NAV2: variants seen among roughly 807,000 people sequenced by gnomAD.
NAV2 encodes helicase, APC down-regulated 1.
A neutral mutation model predicts 223.2 loss-of-function variants in NAV2; 54 were observed. The ratio of observed to expected loss-of-function variants is 0.24; its 90% CI spans 0.19 to 0.30. The LOEUF is 0.30. Among genes scored for constraint, NAV2 ranks in the 10% least tolerant of loss-of-function variants. NAV2 has a pLI of 1.00. For missense variants in NAV2, 2,806 were observed against 3,147.5 expected, an observed-to-expected ratio of 0.89 and a Z score of 2.60; for synonymous variants, 1,279 against 1,239.3, an observed-to-expected ratio of 1.03 and a Z score of -0.67.
rs373923483 is a variant in NAV2, at chr11:19,745,428, G to A, written c.267+31466G>A. Among the ~76,000 whole-genome samples, 16 of 152,276 alleles carry A rather than the reference G, an allele frequency of 1.1e-4. No homozygotes were observed. In the East Asian group the frequency reaches 2.9e-3, roughly 28 times the overall value. ...GGCTCCTAAGCATTGTGCCTACTCT[G>A]CCTAATGGGTAAGTTGGCCCTCGAT... On this transcript the variant is annotated intron_variant, in intron 1 of 37. Transcript: ENST00000349880.
At chr11:19,724,659 A>G (rs776743635) in intron 1 of NAV2, among the ~76,000 whole-genome samples, 5 of 152,216 alleles carry the variant, frequency 3.3e-5, no homozygotes, top group Non-Finnish European at 5.9e-5. Flanking sequence ...CTTTACATAC[A>G]TTATCCCCTT....
Position 20,119,187 on chromosome 11 carries a change from T to G in NAV2, c.*929T>G, listed in dbSNP as rs1306770391. 7.0e-6 allele frequency: 1 copy of G among 142,166 alleles called. No individual in the cohort carries two copies. The highest frequency in any genetic ancestry group is 1.6e-5 in the Non-Finnish European group (1 of 61,806). 8.8% of individuals were successfully genotyped at this position (142,166 alleles called of 1,614,324 possible). ...TTCTGATGCATTGATTTTTGAAGATTTTTTTTTCCCCCTTCCCCTCTTGGT... is the reference window on the plus strand; with the variant it reads ...TTCTGATGCATTGATTTTTGAAGATGTTTTTTTCCCCCTTCCCCTCTTGGT... On this transcript the variant is annotated 3_prime_UTR_variant, in exon 38 of 38. Transcript: ENST00000349880.
Position 19,822,006 on chromosome 11 carries a change from C to T in NAV2, c.268-10478C>T, listed in dbSNP as rs1565374571. On this transcript the variant is annotated intron_variant, in intron 1 of 37. Transcript: ENST00000349880. ...TTGCCTCTTTGAGCCTCAGTTTCCTCATCTGTAAGATGGGGAAAATAATAT... is the reference window on the plus strand; with the variant it reads ...TTGCCTCTTTGAGCCTCAGTTTCCTTATCTGTAAGATGGGGAAAATAATAT... Among the ~76,000 whole-genome samples, 3 of 152,306 alleles carry T rather than the reference C, an allele frequency of 2.0e-5. No individual in the cohort carries two copies. In the South Asian group the frequency reaches 6.2e-4, roughly 32 times the overall value.
chr11:19,778,405 C>T, intron 1 of NAV2: 1 of 454,376 alleles, frequency 2.2e-6, no homozygotes, highest in Non-Finnish European at 4.4e-6. Flanking sequence ...TGTGGATTGC[C>T]TGGCATATAA....
rs1319150178 is a variant in NAV2 at position 20,068,392 on chromosome 11, A to G, written c.4977A>G (p.Thr1659=). ...EKVSALTTQL[T]ANAHLVAAFE... ...TTTCAGCTTTGACCACCCAGCTGAC[A>G]GCAAATGTAAGTACAGACATAGGGC... The change falls in exon 22 of 38, where the codon ACA becomes ACG. Residue 1659 remains threonine, a synonymous_variant. Coordinates refer to ENST00000349880, the MANE Select transcript of NAV2 (RefSeq NM_145117.5). 3.1e-6 allele frequency: 5 copies of G among 1,613,498 alleles called. No homozygotes were observed. Among genetic ancestry groups the G allele is most frequent in the Non-Finnish European group, 4.2e-6 (5 of 1,179,378 alleles).
At chr11:20,009,534 C>A (rs946013463) in intron 11 of NAV2, among the ~76,000 whole-genome samples, 2 of 152,112 alleles carry the variant, frequency 1.3e-5, no homozygotes, top group African/African-American at 4.8e-5. Context: ...ATGCAAACAG[C>A]GCTGTGAGAT....
chr11:19,794,600 C>A (rs2057767447), intron 1 of NAV2, among the ~76,000 whole-genome samples: 1 of 152,140 alleles, frequency 6.6e-6, no homozygotes, highest in Non-Finnish European at 1.5e-5. Flanking sequence ...ATGGTAGGTC[C>A]ACAGAGAATG....
intron 8 of NAV2, 134 bp downstream of exon 8, chr11:19,939,907 C>T: frequency 2.1e-5 from 8 of 387,374 alleles, no homozygotes; most frequent in South Asian, 4.5e-5. Flanking sequence ...AACAAACTTT[C>T]TTTCTTTTTT....
At chr11:20,043,093 C>T (rs1419375127) in intron 12 of NAV2, among the ~76,000 whole-genome samples, 1 of 152,164 alleles carries the variant, frequency 6.6e-6, no homozygotes, top group Non-Finnish European at 1.5e-5. Flanking sequence ...ATTGGCTCTC[C>T]GCATTTGGGG....
chr11:19,613,567 G>C (rs1214680617), intron 1 of NAV2, among the ~76,000 whole-genome samples: 1 of 151,914 alleles, frequency 6.6e-6, no homozygotes, highest in Non-Finnish European at 1.5e-5. Flanking sequence ...TGTTGGAGGG[G>C]GTCTGAGCTG....
At chr11:19,935,856 T>TTTTTTTTTTTTTTTTG in intron 7 of NAV2, among the ~76,000 whole-genome samples, 1 of 98,124 alleles carries the variant, frequency 1.0e-5, no homozygotes, top group Non-Finnish European at 2.2e-5. Context: ...TTTCTGTTTT[T>TTTTTTTTTTTTTTTTG]TTTTTTTTTT....
chr11:19,648,718 A>T (rs1378013028), intron 1 of NAV2, among the ~76,000 whole-genome samples: 5 of 152,350 alleles, frequency 3.3e-5, no homozygotes, highest in African/African-American at 1.2e-4. Context: ...AGCCTTCAGG[A>T]TAACAAGGTA....
rs559341655 is a variant in NAV2 at position 19,929,819 on chromosome 11, G to T, written c.932-3357G>T. Among the ~76,000 whole-genome samples, 4 of 152,244 alleles carry T rather than the reference G, an allele frequency of 2.6e-5. No individual in the cohort carries two copies. In the South Asian group the frequency reaches 8.3e-4, roughly 32 times the overall value. Reference sequence around the variant, plus strand: ...GCTTTAGAACACAAAGATGAGTCAGGGCGGGGAGTCTCTGTCCTGGAGGAA... The same window carrying T: ...GCTTTAGAACACAAAGATGAGTCAGTGCGGGGAGTCTCTGTCCTGGAGGAA... On this transcript the variant is annotated intron_variant, in intron 6 of 37. Transcript: ENST00000349880.
At chr11:19,610,684 G>A (rs1367523473) in intron 1 of NAV2, among the ~76,000 whole-genome samples, 1 of 152,166 alleles carries the variant, frequency 6.6e-6, no homozygotes, top group Non-Finnish European at 1.5e-5. Context: ...TCCAGCAAAT[G>A]GATGGATGGA....
intron 10 of NAV2, among the ~76,000 whole-genome samples, chr11:19,964,809 CTTTTTTTTT>C (rs71050695): frequency 1.2e-4 from 7 of 57,550 alleles, no homozygotes; most frequent in South Asian, 6.6e-4. Context: ...CCTCATTCTA[CTTTTTTTTT>C]TTTTTTTTTT....
At chr11:19,555,140 G>A (rs1393016338) in intron 1 of NAV2, among the ~76,000 whole-genome samples, 1 of 152,166 alleles carries the variant, frequency 6.6e-6, no homozygotes, top group Non-Finnish European at 1.5e-5. Flanking sequence ...TTCTGAGACA[G>A]GGATCAATGT....
At chr11:20,018,432 T>C (rs1401809994) in intron 11 of NAV2, among the ~76,000 whole-genome samples, 3 of 151,878 alleles carry the variant, frequency 2.0e-5, no homozygotes, top group Non-Finnish European at 2.9e-5. Context: ...CTGGGCTTTA[T>C]GGACAGGATT....
intron 1 of NAV2, among the ~76,000 whole-genome samples, chr11:19,586,160 G>T (rs954126393): frequency 6.6e-6 from 1 of 152,072 alleles, no homozygotes; most frequent in Admixed American, 6.6e-5. Flanking sequence ...CTTTCTTCCA[G>T]TTGATTGAAT....
chr11:19,486,337 C>T (rs566652435), intron 1 of NAV2, among the ~76,000 whole-genome samples: 1 of 152,230 alleles, frequency 6.6e-6, no homozygotes, highest in South Asian at 2.1e-4. Flanking sequence ...ATCCTTCAGG[C>T]CTTTGGTCTT....
Sources: gnomAD v4.1 joint callset for allele counts (sites outside exome capture counted in the v4.1 genomes callset) on GRCh38, gnomAD v4.1.1 for gene constraint, MANE v1.5 for transcripts, NCBI Gene and HGNC (gene_info 2026-07-23, HGNC 2026-07-21) for gene names.